Variants in RNF214 observed in about 807,000 individuals in gnomAD.
The protein encoded by RNF214 is ring finger protein 214.
In RNF214, 25 loss-of-function variants were observed where a neutral mutation model predicts 75.9. The ratio of observed to expected loss-of-function variants is 0.33; its 90% CI spans 0.24 to 0.46. The LOEUF (loss-of-function observed/expected upper bound fraction) is 0.46, where lower values mean the gene tolerates loss of function less well. Among genes scored for constraint, RNF214 ranks in the 20% least tolerant of loss-of-function variants. The probability of loss-of-function intolerance (pLI) is 1.00; values close to 1 mark genes in which losing one functional copy is unlikely to be tolerated. For missense variants in RNF214, 725 were observed against 857.5 expected, an observed-to-expected ratio of 0.85 and a Z score of 1.93; for synonymous variants, 314 against 308.8, an observed-to-expected ratio of 1.02 and a Z score of -0.18.
rs150615331 is a variant in RNF214, at chr11:117,262,115, G to C, written c.959+15167G>C. 4.6e-3 allele frequency among the ~76,000 whole-genome samples: 697 copies of C among 150,928 alleles called. 20 individuals carry two copies. Among genetic ancestry groups the C allele is most frequent in the Admixed American group, 0.044 (662 of 15,112 alleles). The stretch of plus-strand genomic sequence containing the variant: ...ATACGAGTCTGGCTCCGTCCCCCAG[G>C]CTGGAGTGCAGTGGTGCAATCTCGG... On this transcript the variant is annotated intron_variant, in intron 6 of 14. Transcript: ENST00000300650.
At chr11:117,250,088 T>A (rs1427589530) in intron 6 of RNF214, among the ~76,000 whole-genome samples, 2 of 152,298 alleles carry the variant, frequency 1.3e-5, no homozygotes, top group South Asian at 2.1e-4. Flanking sequence ...GATAAACAGA[T>A]GATTGCAAAA....
At chr11:117,269,550 A>G (rs1192074818) in intron 6 of RNF214, among the ~76,000 whole-genome samples, 1 of 151,992 alleles carries the variant, frequency 6.6e-6, no homozygotes, top group Non-Finnish European at 1.5e-5. Context: ...TTGGGTAGAG[A>G]TGGGATTTTG....
chr11:117,251,063 C>T (rs987408975), intron 6 of RNF214, among the ~76,000 whole-genome samples: 31 of 150,742 alleles, frequency 2.1e-4, no homozygotes, highest in African/African-American at 6.6e-4. Context: ...TTTTCCCCAC[C>T]TTTCCCCCCT....
At chr11:117,272,417 C>T (rs2134408830) in intron 6 of RNF214, among the ~76,000 whole-genome samples, 1 of 152,200 alleles carries the variant, frequency 6.6e-6, no homozygotes, top group East Asian at 1.9e-4. Flanking sequence ...AGGGGAACAA[C>T]ACACACCAGG....
At chr11:117,251,658 C>T (rs1277566042) in intron 6 of RNF214, among the ~76,000 whole-genome samples, 1 of 152,064 alleles carries the variant, frequency 6.6e-6, no homozygotes, top group African/African-American at 2.4e-5. Flanking sequence ...AAGAATTAGC[C>T]AGGCAACAAA....
intron 6 of RNF214, among the ~76,000 whole-genome samples, chr11:117,267,281 T>C (rs948063237): frequency 1.3e-5 from 2 of 152,228 alleles, no homozygotes; most frequent in African/African-American, 4.8e-5. Context: ...TTGTGGTTCA[T>C]GTATTTTGTG....
rs751102115 is a variant in RNF214, at chr11:117,281,283, A to T, written c.1146-31A>T. 2.6e-6 allele frequency: 4 copies of T among 1,531,672 alleles called. No homozygotes were observed. In the South Asian group the frequency reaches 4.5e-5, roughly 17 times the overall value. 94.9% of individuals were successfully genotyped at this position (1,531,672 alleles called of 1,614,324 possible). On this transcript the variant is annotated intron_variant, in intron 8 of 14. Transcript: ENST00000300650. ...ACTGTTCCTAGCAGGGCTTTCTTTA[A>T]ATCTGTAAATTCCTGTTGGTTTCTT...
At chr11:117,276,472 G>A (rs1286079720) in intron 6 of RNF214, among the ~76,000 whole-genome samples, 6 of 152,144 alleles carry the variant, frequency 3.9e-5, no homozygotes, top group South Asian at 4.1e-4. Flanking sequence ...TGCTGGGCAT[G>A]ATGATACATG....
intron 12 of RNF214, 40 bp from the exon 13 acceptor site, chr11:117,282,706 A>G: frequency 1.9e-6 from 3 of 1,583,796 alleles, no homozygotes; most frequent in Non-Finnish European, 2.6e-6. Context: ...TCTGTTACTC[A>G]GACTCTCTTC....
chr11:117,280,620 TTTGATG>T (rs1257784189), intron 8 of RNF214, among the ~76,000 whole-genome samples: 1 of 152,154 alleles, frequency 6.6e-6, no homozygotes, highest in Non-Finnish European at 1.5e-5. Flanking sequence ...TGCAGTGAGC[TTTGATG>T]GCATCACTGC....
intron 6 of RNF214, among the ~76,000 whole-genome samples, chr11:117,264,976 G>A (rs768508425): frequency 6.6e-6 from 1 of 151,660 alleles, no homozygotes; most frequent in Non-Finnish European, 1.5e-5. Context: ...GCTGAGGCAG[G>A]AGAATTGCTT....
rs183317365 is a variant in RNF214, at chr11:117,261,854, C to G, written c.959+14906C>G. Among the ~76,000 whole-genome samples the G allele has an allele frequency of 5.9e-5, 9 of 151,976 alleles. No homozygotes were observed. The East Asian group carries it at 1.6e-3, about 27-fold the overall frequency. On this transcript the variant is annotated intron_variant, in intron 6 of 14. Transcript: ENST00000300650. ...AGAGACGAGGTTTCACCATGTTGGC[C>G]AGGCTGGTCTCGATCTCCTGACCTC...
intron 6 of RNF214, among the ~76,000 whole-genome samples, chr11:117,266,176 C>G (rs1201071914): frequency 1.3e-5 from 2 of 152,150 alleles, no homozygotes; most frequent in African/African-American, 4.8e-5. Flanking sequence ...CTCTTTCCCT[C>G]TGTGTATTGT....
intron 6 of RNF214, among the ~76,000 whole-genome samples, chr11:117,252,281 C>T (rs2033414690): frequency 6.6e-6 from 1 of 152,164 alleles, no homozygotes; most frequent in African/African-American, 2.4e-5. Flanking sequence ...ATAATTATGG[C>T]TGAAACTAAA....
At chr11:117,245,177 G>A (rs1023034749) in intron 5 of RNF214, among the ~76,000 whole-genome samples, 1 of 150,114 alleles carries the variant, frequency 6.7e-6, no homozygotes, top group East Asian at 2.1e-4. Context: ...AAATGAGCCG[G>A]GCGTGGTGGT....
intron 2 of RNF214, among the ~76,000 whole-genome samples, chr11:117,238,293 T>C (rs924729890): frequency 2.6e-5 from 4 of 152,192 alleles, no homozygotes; most frequent in African/African-American, 9.6e-5. Context: ...GTAGTCCTAG[T>C]TACTCACAAG....
chr11:117,283,325 T>A (rs956934762), intron 14 of RNF214, 115 bp downstream of exon 14: 9 of 717,456 alleles, frequency 1.3e-5, no homozygotes, highest in Non-Finnish European at 2.2e-5. Context: ...AACTTTTCTT[T>A]TACTGTGTTG....
intron 4 of RNF214, among the ~76,000 whole-genome samples, chr11:117,243,856 A>G (rs1268393186): frequency 2.0e-5 from 3 of 152,146 alleles, no homozygotes; most frequent in Non-Finnish European, 4.4e-5. Flanking sequence ...TGCCTTGCCT[A>G]GGAGTCTCTC....
Position 117,282,389 on chromosome 11 carries a change from A to G in RNF214, c.1713-15A>G, listed in dbSNP as rs1565349430. ...TAGCATAGGCTTTCTCTCCCTCAAC[A>G]TTTTTTTTCCTCAGGGCCCAGATGA... is the stretch of plus-strand genomic sequence containing the variant. On this transcript the variant is annotated splice_polypyrimidine_tract_variant and intron_variant, in intron 11 of 14. Transcript: ENST00000300650. 1.9e-6 allele frequency: 3 copies of G among 1,612,062 alleles called. No individual in the cohort carries two copies. The highest frequency in any genetic ancestry group is 2.7e-5 in the African/African-American group (2 of 74,776).
Sources: gnomAD v4.1 joint callset for allele counts (sites outside exome capture counted in the v4.1 genomes callset) on GRCh38, gnomAD v4.1.1 for gene constraint, MANE v1.5 for transcripts, NCBI Gene and HGNC (gene_info 2026-07-23, HGNC 2026-07-21) for gene names.